FASTKD1: variants seen among roughly 807,000 people sequenced by gnomAD.
The protein encoded by FASTKD1 is FAST kinase domains 1, also known as FAST kinase domain-containing protein 1, mitochondrial.
In FASTKD1, 94 loss-of-function variants were observed where a neutral mutation model predicts 90.9. That is an observed-to-expected ratio of 1.03 (90% CI 0.88 to 1.23). The LOEUF is 1.23. FASTKD1 is among the 50% of genes most tolerant of loss of function. The pLI, the probability that FASTKD1 is intolerant of heterozygous loss-of-function variation, is 0.00. For missense variants in FASTKD1, 945 were observed against 993.5 expected (o/e 0.95, Z 0.66); for synonymous variants, 319 against 345.8 (o/e 0.92, Z 0.86).
intron 3 of FASTKD1, among the ~76,000 whole-genome samples, chr2:169,567,841 C>T (rs1348474788): frequency 2.0e-5 from 3 of 152,114 alleles, no homozygotes; most frequent in African/African-American, 7.2e-5. Flanking sequence ...TCCTCCCTAA[C>T]ATTTGCCTTA....
chr2:169,569,716 T>C (rs1289632872), intron 2 of FASTKD1, among the ~76,000 whole-genome samples: 1 of 152,074 alleles, frequency 6.6e-6, no homozygotes, highest in Non-Finnish European at 1.5e-5. Flanking sequence ...CTGGGCGTGG[T>C]GGCATGTGCC....
Position 169,531,212 on chromosome 2 carries a change from A to G in FASTKD1, c.2327+140T>C, listed in dbSNP as rs1684469423. 3 of 919,748 alleles carry G rather than the reference A, an allele frequency of 3.3e-6. No homozygotes were observed. In the Admixed American group the frequency reaches 5.3e-5, roughly 16 times the overall value. 57.0% of individuals were successfully genotyped at this position (919,748 alleles called of 1,614,324 possible). ...AACATTAAAGCAGAAAGGAGAGGAA[A>G]AGCAAAGTTACAAAGGTGGAATGCA... On this transcript the variant is annotated intron_variant, in intron 13 of 14. Transcript: ENST00000453153.
chr2:169,553,280 A>AAAAAAC (rs1685580728), intron 7 of FASTKD1, among the ~76,000 whole-genome samples: 1 of 149,334 alleles, frequency 6.7e-6, no homozygotes, highest in Non-Finnish European at 1.5e-5. Context: ...GCAAAAAAAA[A>AAAAAAC]AAAAAAAAAC....
chr2:169,546,725 A>C (rs1045359975), intron 7 of FASTKD1, 21 bp from the exon 8 acceptor site: 1 of 1,582,044 alleles, frequency 6.3e-7, no homozygotes, highest in Non-Finnish European at 8.6e-7. Context: ...AAAAATGAAA[A>C]GAATACATCA....
At chr2:169,544,332 A>C (rs987323412) in intron 9 of FASTKD1, among the ~76,000 whole-genome samples, 1 of 152,134 alleles carries the variant, frequency 6.6e-6, no homozygotes, top group Non-Finnish European at 1.5e-5. Flanking sequence ...CACTTTGGGA[A>C]GCCTTGGCGG....
At chr2:169,553,876 C>T (rs1277408562) in intron 7 of FASTKD1, among the ~76,000 whole-genome samples, 2 of 151,894 alleles carry the variant, frequency 1.3e-5, no homozygotes, top group Non-Finnish European at 2.9e-5. Context: ...GAGCTGAGAT[C>T]GTGCCACTGC....
intron 7 of FASTKD1, among the ~76,000 whole-genome samples, chr2:169,549,222 C>T (rs1685374611): frequency 6.6e-6 from 1 of 152,142 alleles, no homozygotes; most frequent in South Asian, 2.1e-4. Flanking sequence ...TGGAAAAACC[C>T]CGTCTCTACT....
intron 4 of FASTKD1, among the ~76,000 whole-genome samples, chr2:169,562,465 T>C (rs1401516186): frequency 6.6e-6 from 1 of 152,116 alleles, no homozygotes; most frequent in Non-Finnish European, 1.5e-5. Flanking sequence ...ACTCCTGACA[T>C]CAAGTGATCC....
intron 3 of FASTKD1, among the ~76,000 whole-genome samples, chr2:169,565,626 T>C (rs987065683): frequency 6.6e-6 from 1 of 152,198 alleles, no homozygotes; most frequent in African/African-American, 2.4e-5. Flanking sequence ...TCTTAGCTAT[T>C]GTATACAGTG....
chr2:169,530,534 ACAGCTAGTGT>A, intron 14 of FASTKD1, 43 bp downstream of exon 14: 1 of 963,608 alleles, frequency 1.0e-6, no homozygotes, highest in African/African-American at 1.7e-5. Context: ...AAGCACATGT[ACAGCTAGTGT>A]CTCTGGGCTT....
intron 2 of FASTKD1, among the ~76,000 whole-genome samples, chr2:169,570,322 A>AT (rs1341564853): frequency 6.6e-6 from 1 of 151,398 alleles, no homozygotes; most frequent in Non-Finnish European, 1.5e-5. Flanking sequence ...ATTTCTTTTT[A>AT]TTTTTTTTCC....
chr2:169,534,751 G>A (rs897314537), intron 12 of FASTKD1, among the ~76,000 whole-genome samples: 23 of 152,146 alleles, frequency 1.5e-4, no homozygotes, highest in African/African-American at 2.9e-4. Flanking sequence ...GTGCCACTGC[G>A]CCCGGCCAAA....
intron 4 of FASTKD1, 137 bp downstream of exon 4, chr2:169,563,088 T>G: frequency 1.4e-6 from 1 of 729,194 alleles, no homozygotes; most frequent in Non-Finnish European, 2.2e-6. Context: ...ATCCCTCTTT[T>G]GCAGATGAGG....
chr2:169,558,417 C>A (rs766178938), intron 5 of FASTKD1, among the ~76,000 whole-genome samples: 1 of 151,902 alleles, frequency 6.6e-6, no homozygotes, highest in African/African-American at 2.4e-5. Context: ...ACCATTGCAC[C>A]TGCCATCACT....
chr2:169,529,902 T>C lies in FASTKD1; in HGVS notation c.2467A>G (p.Met823Val), dbSNP rs761468078. The change falls in exon 15 of 15, where the codon ATG becomes GTG. Residue 823 changes from methionine to valine, a missense_variant. Physicochemically the swap from Met to Val is conservative, Grantham distance 21 (BLOSUM62 1). Transcript: ENST00000453153. Reference sequence around the variant, plus strand: ...CGAGCATCCTTTGTTGACAGTGCCATAGAGTTCCATTCAAACTGGGAAATC... The same window carrying C: ...CGAGCATCCTTTGTTGACAGTGCCACAGAGTTCCATTCAAACTGGGAAATC... Reference protein sequence around the residue: ...IQISQFEWNSMALSTKDARMD... With the variant: ...IQISQFEWNSVALSTKDARMD... 4 of 1,611,956 alleles carry C rather than the reference T, an allele frequency of 2.5e-6. No homozygotes were observed. Among genetic ancestry groups the C allele is most frequent in the African/African-American group, 2.7e-5 (2 of 74,834 alleles).
intron 7 of FASTKD1, among the ~76,000 whole-genome samples, chr2:169,547,703 C>T (rs371287858): frequency 8.6e-5 from 13 of 151,550 alleles, no homozygotes; most frequent in African/African-American, 1.9e-4. Flanking sequence ...CATGGTGAAA[C>T]GCTGTCTCTA....
intron 5 of FASTKD1, chr2:169,560,179 C>A (rs1683513221): frequency 3.1e-6 from 1 of 324,940 alleles, no homozygotes; most frequent in Non-Finnish European, 5.6e-6. Flanking sequence ...CAGAGGTTTA[C>A]CTTTCAGAAC....
chr2:169,540,844 C>T (rs1684929400), intron 9 of FASTKD1, among the ~76,000 whole-genome samples: 1 of 152,152 alleles, frequency 6.6e-6, no homozygotes, highest in Non-Finnish European at 1.5e-5. Context: ...GCAGAGTGTA[C>T]ACATGTTTGA....
intron 5 of FASTKD1, among the ~76,000 whole-genome samples, chr2:169,559,448 T>A (rs1683482586): frequency 6.6e-6 from 1 of 152,056 alleles, no homozygotes; most frequent in Non-Finnish European, 1.5e-5. Context: ...TTTTTTCTTT[T>A]GAGACAAGGT....
Sources: gnomAD v4.1 joint callset for allele counts (sites outside exome capture counted in the v4.1 genomes callset) on GRCh38, gnomAD v4.1.1 for gene constraint, MANE v1.5 for transcripts, NCBI Gene and HGNC (gene_info 2026-07-23, HGNC 2026-07-21) for gene names.